The following MYT1L variants were observed in gnomAD, a reference collection of about 807,000 sequenced individuals.
MYT1L encodes myelin transcription factor 1-like protein.
In MYT1L, 12 loss-of-function variants were observed where a neutral mutation model predicts 126.7. That is an observed-to-expected ratio of 0.09 (90% CI 0.06 to 0.15). The LOEUF is 0.15. MYT1L is among the 10% of genes least tolerant of loss of function. The probability of loss-of-function intolerance (pLI) is 1.00; values close to 1 mark genes in which losing one functional copy is unlikely to be tolerated. For synonymous variants in MYT1L, 541 were observed against 604.2 expected, an observed-to-expected ratio of 0.90 and a Z score of 1.53; for missense variants, 979 against 1,585.2, an observed-to-expected ratio of 0.62 and a Z score of 6.49.
In MYT1L at chr2:1,887,403, G is replaced by C; in HGVS notation, c.2642+85C>G. On this transcript the variant is annotated intron_variant, in intron 17 of 24. Transcript: ENST00000647738. The surrounding 1 kb of genome is among the most constrained non-coding windows in gnomAD (Gnocchi z 4.8). ...CGAATGTCGCATGCTCAAACGGCAAGGCATATACAGATCCAGTTTTAAAAA... is the reference window on the plus strand; with the variant it reads ...CGAATGTCGCATGCTCAAACGGCAACGCATATACAGATCCAGTTTTAAAAA... 6.4e-7 allele frequency: 1 copy of C among 1,562,986 alleles called. No individual in the cohort carries two copies. The highest frequency in any genetic ancestry group is 8.8e-7 in the Non-Finnish European group (1 of 1,135,826).
chr2:2,071,194 G>A (rs561139460), intron 3 of MYT1L, among the ~76,000 whole-genome samples: 1 of 152,198 alleles, frequency 6.6e-6, no homozygotes, highest in South Asian at 2.1e-4. Flanking sequence ...AAGCCAATTT[G>A]GAGTTCTGAA....
chr2:2,150,059 C>T (rs1473484164), intron 3 of MYT1L, among the ~76,000 whole-genome samples: 1 of 152,174 alleles, frequency 6.6e-6, no homozygotes, highest in East Asian at 1.9e-4. Context: ...TCTTTGGGCT[C>T]TGCCATCTTC....
intron 2 of MYT1L, among the ~76,000 whole-genome samples, chr2:2,223,185 T>C (rs2093924277): frequency 6.6e-6 from 1 of 152,206 alleles, no homozygotes; most frequent in Non-Finnish European, 1.5e-5. Flanking sequence ...ATGTGAGTCA[T>C]GTCTGAAAAT....
chr2:2,096,375 A>T (rs1575133826), intron 3 of MYT1L, among the ~76,000 whole-genome samples: 1 of 152,228 alleles, frequency 6.6e-6, no homozygotes, highest in African/African-American at 2.4e-5. Flanking sequence ...CAGAGGCAGC[A>T]GTCTGGCCTT....
intron 22 of MYT1L, among the ~76,000 whole-genome samples, chr2:1,808,791 G>A (rs1385228332): frequency 1.3e-5 from 2 of 152,218 alleles, no homozygotes; most frequent in Non-Finnish European, 2.9e-5. Flanking sequence ...AGAAATGTGG[G>A]CACACTGGGG....
At chr2:2,104,682 C>T (rs779616016) in intron 3 of MYT1L, among the ~76,000 whole-genome samples, 1 of 152,220 alleles carries the variant, frequency 6.6e-6, no homozygotes, top group Admixed American at 6.5e-5. Flanking sequence ...CCATCCCTCT[C>T]CAGTTGTAAC....
In MYT1L at chr2:1,987,319, G is replaced by GT. The variant is rs1035573294; in HGVS notation, c.1-7543dup. Among the ~76,000 whole-genome samples, 372 of 143,366 alleles carry GT rather than the reference G, an allele frequency of 2.6e-3. 1 individual carries two copies. The highest frequency in any genetic ancestry group is 0.018 in the Middle Eastern group (5 of 282). 94.1% of individuals were successfully genotyped at this position (143,366 alleles called of 152,430 possible). ...CAAAACCTTGATTTCTGTTTTTTTT[G>GT]TTTTTTTTTTTCTGTTTTTTGTTTT... On this transcript the variant is annotated intron_variant, in intron 5 of 24. Transcript: ENST00000647738.
At chr2:2,177,232 C>A (rs1255475651) in intron 2 of MYT1L, among the ~76,000 whole-genome samples, 1 of 152,212 alleles carries the variant, frequency 6.6e-6, no homozygotes, top group Admixed American at 6.5e-5. Flanking sequence ...GCTAGCCTGA[C>A]AATTCCAGTT....
intron 2 of MYT1L, among the ~76,000 whole-genome samples, chr2:2,263,745 C>T (rs551884919): frequency 7.2e-4 from 110 of 152,246 alleles, no homozygotes; most frequent in Middle Eastern, 3.4e-3. Context: ...GATCCTCAGA[C>T]GCTCCTGGCA....
At chr2:2,272,504 G>C (rs2095283148) in intron 2 of MYT1L, among the ~76,000 whole-genome samples, 1 of 152,162 alleles carries the variant, frequency 6.6e-6, no homozygotes, top group Non-Finnish European at 1.5e-5. Flanking sequence ...GAAAAGAGTA[G>C]AAAACAAAAC....
chr2:1,801,771 C>T lies in MYT1L; in HGVS notation c.3201G>A (p.Gln1067=), dbSNP rs749965483. The T allele has an allele frequency of 8.7e-6, 14 of 1,609,034 alleles. No homozygotes were observed. The African/African-American group carries it at 1.5e-4, about 17-fold the overall frequency. ...NGIENDEEIK[Q]LDEEIKELNE... is the part of the protein sequence containing the mutation. Reference sequence around the variant, plus strand: ...TTAGCTCCTTGATTTCTTCATCTAACTGTTTGATTTCTTCATCATTTTCTA... The same window carrying T: ...TTAGCTCCTTGATTTCTTCATCTAATTGTTTGATTTCTTCATCATTTTCTA... The change falls in exon 23 of 25, where the codon CAG becomes CAA. Residue 1067 remains glutamine (Q), a synonymous_variant. Coordinates refer to ENST00000647738, the MANE Select transcript of MYT1L (RefSeq NM_001303052.2). The surrounding 1 kb of genome is among the most constrained non-coding windows in gnomAD (Gnocchi z 4.2).
intron 23 of MYT1L, among the ~76,000 whole-genome samples, chr2:1,797,466 C>A (rs929962718): frequency 6.6e-6 from 1 of 152,118 alleles, no homozygotes; most frequent in Non-Finnish European, 1.5e-5. Context: ...GTGATCTGCC[C>A]GCCTCGGCCT....
At chr2:1,937,493 G>C (rs565985782) in intron 9 of MYT1L, among the ~76,000 whole-genome samples, 1 of 151,356 alleles carries the variant, frequency 6.6e-6, no homozygotes, top group Non-Finnish European at 1.5e-5. Context: ...AGGCCCTAAC[G>C]TCCGCGGCCA....
chr2:1,880,407 G>C (rs574454327), intron 18 of MYT1L, among the ~76,000 whole-genome samples: 1 of 152,186 alleles, frequency 6.6e-6, no homozygotes, highest in South Asian at 2.1e-4. Flanking sequence ...GCGCGATCTC[G>C]GCTCACTGCG....
chr2:2,197,104 G>T (rs561881840), intron 2 of MYT1L, among the ~76,000 whole-genome samples: 116 of 152,230 alleles, frequency 7.6e-4, no homozygotes, highest in African/African-American at 2.7e-3. Context: ...TTTGAATGTT[G>T]GTTAGGGAAC....
chr2:2,185,863 A>G (rs1274744656), intron 2 of MYT1L, among the ~76,000 whole-genome samples: 1 of 104,768 alleles, frequency 9.5e-6, no homozygotes, highest in African/African-American at 4.1e-5. Context: ...GGCCTCCCAG[A>G]CGCCCGCGTT....
At chr2:2,114,293 T>C (rs947336951) in intron 3 of MYT1L, among the ~76,000 whole-genome samples, 1 of 152,224 alleles carries the variant, frequency 6.6e-6, no homozygotes, top group African/African-American at 2.4e-5. Context: ...CCCTCTTAGC[T>C]CCCTCGTGTA....
chr2:1,838,203 T>C (rs2041166904), intron 21 of MYT1L, among the ~76,000 whole-genome samples: 1 of 152,160 alleles, frequency 6.6e-6, no homozygotes. Context: ...TGTGAGCCAC[T>C]GTGCCCGGCC....
chr2:1,847,976 T>C (rs10865523), intron 19 of MYT1L, among the ~76,000 whole-genome samples: 73,598 of 152,058 alleles, frequency 0.48, 19,997 homozygotes, highest in African/African-American at 0.74. Context: ...CATCCTAGGC[T>C]CATGGGGCTG....
Sources: gnomAD v4.1 joint callset for allele counts (sites outside exome capture counted in the v4.1 genomes callset) on GRCh38, gnomAD v4.1.1 for gene constraint, Gnocchi (gnomAD v3.1) non-coding constraint, MANE v1.5 for transcripts, NCBI Gene and HGNC (gene_info 2026-07-23, HGNC 2026-07-21) for gene names.